Variants in MIER3 observed in about 807,000 individuals in gnomAD.
MIER3 encodes the protein MIER family member 3, also known as mesoderm induction early response protein 3.
In MIER3, 9 loss-of-function variants were observed where a neutral mutation model predicts 63.2. The observed-to-expected ratio is 0.14, with a 90% CI of 0.09 to 0.25. The LOEUF is 0.25. MIER3 is among the 10% of genes least tolerant of loss of function. The pLI is 1.00. For missense variants in MIER3, 512 were observed against 666.2 expected (o/e 0.77, Z 2.55); for synonymous variants, 205 against 224.9 (o/e 0.91, Z 0.79).
chr5:56,937,087 A>G (rs1750471885), intron 5 of MIER3, among the ~76,000 whole-genome samples: 1 of 151,460 alleles, frequency 6.6e-6, no homozygotes, highest in Non-Finnish European at 1.5e-5. Context: ...TATTATTATT[A>G]TTATTGAGAC....
intron 8 of MIER3, among the ~76,000 whole-genome samples, chr5:56,931,875 T>G (rs1750280116): frequency 6.6e-6 from 1 of 152,184 alleles, no homozygotes; most frequent in Admixed American, 6.5e-5. Context: ...ATATTACCAA[T>G]AAATTTTTTA....
intron 2 of MIER3, 110 bp from the exon 3 acceptor site, chr5:56,947,181 T>C: frequency 9.5e-7 from 1 of 1,048,746 alleles, no homozygotes; most frequent in Non-Finnish European, 1.3e-6. Context: ...ATGAGGGTTT[T>C]ACTAAATGAA....
At chr5:56,932,306 T>C (rs763043536) in intron 8 of MIER3, among the ~76,000 whole-genome samples, 2 of 152,066 alleles carry the variant, frequency 1.3e-5, no homozygotes, top group Non-Finnish European at 2.9e-5. Flanking sequence ...CCCTTTCTAA[T>C]AGCATTGAAT....
chr5:56,950,646 A>T lies in MIER3; in HGVS notation c.16T>A (p.Phe6Ile). 3 of 1,613,748 alleles carry T rather than the reference A, an allele frequency of 1.9e-6. No individual in the cohort carries two copies. The highest frequency in any genetic ancestry group is 1.7e-6 in the Non-Finnish European group (2 of 1,179,792). The change falls in exon 2 of 13, where the codon TTT (phenylalanine) becomes ATT (isoleucine). Residue 6 changes from phenylalanine (F) to isoleucine (I), a missense_variant. By Grantham distance (21) the Phe-to-Ile change is conservative. Around this residue, in one of 5 missense-constraint regions of MIER3, gnomAD observed 98 missense variants for 107.4 expected, o/e 0.91. Transcript: ENST00000381199. MAEASFGSSSPVGSLS... is the reference protein window; with the variant it reads MAEASIGSSSPVGSLS... ...GACAAACCTGGGCTCGAACTTCCAA[A>T]AGAAGCCTAGGAGAGAGAGAAGAAA...
chr5:56,945,632 G>A (rs1362740315), intron 3 of MIER3, among the ~76,000 whole-genome samples: 1 of 152,072 alleles, frequency 6.6e-6, no homozygotes, highest in Non-Finnish European at 1.5e-5. Context: ...CGAGAAAATT[G>A]CTTTAGTACT....
intron 3 of MIER3, among the ~76,000 whole-genome samples, chr5:56,946,503 C>G (rs2112147686): frequency 6.6e-6 from 1 of 152,102 alleles, no homozygotes; most frequent in Admixed American, 6.5e-5. Context: ...TTTCAATTTT[C>G]TTAAAATATT....
chr5:56,931,466 G>A (rs1750264255), intron 8 of MIER3, among the ~76,000 whole-genome samples: 1 of 152,068 alleles, frequency 6.6e-6, no homozygotes, highest in East Asian at 1.9e-4. Context: ...TACATTATGT[G>A]TATCAAGACA....
chr5:56,922,112 T>TC lies in MIER3; in HGVS notation c.*1015dup, dbSNP rs1305197467. Reference sequence around the variant, plus strand: ...AGGTTCTACTGCATTAGGTATAAAATCTAGAAGTCCCTCTAAATATTAACA... The same window carrying TC: ...AGGTTCTACTGCATTAGGTATAAAATCCTAGAAGTCCCTCTAAATATTAACA... On this transcript the variant is annotated 3_prime_UTR_variant, in exon 13 of 13. Coordinates refer to ENST00000381199, the MANE Select transcript of MIER3 (RefSeq NM_001297599.2). 2.0e-5 allele frequency: 3 copies of TC among 152,642 alleles called. No homozygotes were observed. The highest frequency in any genetic ancestry group is 7.2e-5 in the African/African-American group (3 of 41,454). The allele number at this position is 152,642 out of a possible 1,614,324, so 9.5% of individuals were successfully genotyped here.
chr5:56,938,368 C>A lies in MIER3; in HGVS notation c.315+515G>T, dbSNP rs1412344373. The A allele has an allele frequency of 6.4e-6, 3 of 470,906 alleles. No individual in the cohort carries two copies. In the Admixed American group the frequency reaches 7.0e-5, roughly 11 times the overall value. 29.2% of individuals were successfully genotyped at this position (470,906 alleles called of 1,614,324 possible). A position where few individuals can be genotyped will look rare whatever the true frequency, so the allele number is the denominator to read the frequency against. On this transcript the variant is annotated intron_variant, in intron 4 of 12. Transcript: ENST00000381199. ...AAGGCAAGGAAAGGTTCCCAGGGAT[C>A]TGTTAGCAGAGGCCATGGCCGTGTG...
At chr5:56,937,138 G>C (rs894077519) in intron 5 of MIER3, among the ~76,000 whole-genome samples, 3 of 152,052 alleles carry the variant, frequency 2.0e-5, no homozygotes, top group Admixed American at 6.6e-5. Flanking sequence ...GCAGTAGCAT[G>C]ATCTCCAGCT....
At position 56,924,047 on chromosome 5, in the gene MIER3, TG is replaced by T; in HGVS notation, c.925-6del. 6.3e-7 allele frequency: 1 copy of T among 1,584,672 alleles called. No individual in the cohort carries two copies. Among genetic ancestry groups the T allele is most frequent in the Non-Finnish European group, 8.5e-7 (1 of 1,170,844 alleles). The stretch of plus-strand genomic sequence containing the variant: ...AGCAACTGTCCTAGTTCTCACCTAA[TG>T]AAAAAGTTGAATTTTTAAAAAACCA... On this transcript the variant is annotated splice_region_variant and splice_polypyrimidine_tract_variant and intron_variant, in intron 10 of 12. Transcript: ENST00000381199.
At chr5:56,934,934 G>C (rs879443211) in intron 7 of MIER3, among the ~76,000 whole-genome samples, 3 of 152,166 alleles carry the variant, frequency 2.0e-5, no homozygotes, top group Non-Finnish European at 4.4e-5. Context: ...AAAAACATGA[G>C]GAAAAACTGA....
intron 1 of MIER3, among the ~76,000 whole-genome samples, chr5:56,951,623 G>C (rs1177898694): frequency 6.6e-6 from 1 of 152,086 alleles, no homozygotes; most frequent in East Asian, 1.9e-4. Flanking sequence ...CCCGGGCCCG[G>C]TGGGCCGGGG....
At chr5:56,931,921 G>A (rs1750281706) in intron 8 of MIER3, among the ~76,000 whole-genome samples, 1 of 152,106 alleles carries the variant, frequency 6.6e-6, no homozygotes, top group Admixed American at 6.5e-5. Flanking sequence ...ACACCTGAAA[G>A]AGTCAAGTAG....
intron 2 of MIER3, among the ~76,000 whole-genome samples, chr5:56,947,735 CT>C (rs1348434536): frequency 6.6e-6 from 1 of 152,178 alleles, no homozygotes; most frequent in African/African-American, 2.4e-5. Flanking sequence ...TAACAAAGTT[CT>C]TAGGATTATG....
At chr5:56,944,425 A>G (rs2662038) in intron 3 of MIER3, among the ~76,000 whole-genome samples, 75,793 of 151,772 alleles carry the variant, frequency 0.5, 21,213 homozygotes, top group East Asian at 0.89. Flanking sequence ...AGCCTGCAGT[A>G]AGCCAAGATT....
At chr5:56,930,509 GA>G (rs1750223550) in intron 9 of MIER3, among the ~76,000 whole-genome samples, 154 bp downstream of exon 9, 1 of 152,154 alleles carries the variant, frequency 6.6e-6, no homozygotes, top group African/African-American at 2.4e-5. Flanking sequence ...TCTAAAAATA[GA>G]GTGCAAGAAA....
intron 3 of MIER3, chr5:56,940,921 A>G: frequency 2.0e-6 from 2 of 976,530 alleles, no homozygotes; most frequent in Non-Finnish European, 2.4e-6. Context: ...AGCCTTTGCC[A>G]AGCACCTGTC....
chr5:56,947,289 T>G, intron 2 of MIER3: 1 of 448,610 alleles, frequency 2.2e-6, no homozygotes. Flanking sequence ...CACAAACACT[T>G]TTATAAGGGG....
Sources: gnomAD v4.1 joint callset for allele counts (sites outside exome capture counted in the v4.1 genomes callset) on GRCh38, gnomAD v4.1.1 for gene constraint, gnomAD v4.1.1 regional missense constraint, MANE v1.5 for transcripts, NCBI Gene and HGNC (gene_info 2026-07-23, HGNC 2026-07-21) for gene names.